The following NXPE2 variants were observed in gnomAD, a reference collection of about 807,000 sequenced individuals.
The protein encoded by NXPE2 is NXPE family member 2.
Under a neutral mutation model 34.4 loss-of-function variants are expected in NXPE2, and 34 were observed. That is an observed-to-expected ratio of 0.99 (90% CI 0.75 to 1.31). The LOEUF is 1.31. Ranked by LOEUF, NXPE2 falls within the 40% of genes most tolerant of loss-of-function variation. The pLI is 0.00. For synonymous variants in NXPE2, 235 were observed against 231.3 expected (o/e 1.02, Z -0.15); for missense variants, 649 against 672.5 (o/e 0.97, Z 0.39).
chr11:114,534,641 C>T, the NXPE2 span, among the ~76,000 whole-genome samples: 1 of 152,124 alleles, frequency 6.6e-6, no homozygotes, highest in Non-Finnish European at 1.5e-5. Context: ...GACAAATGCA[C>T]AAGCTTCAGT....
the NXPE2 span, among the ~76,000 whole-genome samples, chr11:114,615,059 C>T: frequency 0.092 from 13,988 of 151,956 alleles, 762 homozygotes; most frequent in Middle Eastern, 0.2. Context: ...AGTGTTGCCT[C>T]GTGGGTAACA....
chr11:114,663,513 T>C, the NXPE2 span, among the ~76,000 whole-genome samples: 4 of 152,054 alleles, frequency 2.6e-5, no homozygotes, highest in Non-Finnish European at 5.9e-5. Flanking sequence ...AGTAGGGGTG[T>C]AAACTGGGAG....
the NXPE2 span, among the ~76,000 whole-genome samples, chr11:114,736,308 T>G: frequency 1.3e-5 from 2 of 152,200 alleles, no homozygotes; most frequent in East Asian, 3.9e-4. Context: ...GGGGCTTATT[T>G]CATCCCTACA....
chr11:114,682,196 G>A lies in NXPE2; in HGVS notation c.132+2434G>A, dbSNP rs183312461. 9.5e-4 allele frequency among the ~76,000 whole-genome samples: 144 copies of A among 152,250 alleles called. No homozygotes were observed. The Middle Eastern group carries it at 0.014, about 14-fold the overall frequency. On this transcript the variant is annotated intron_variant, in intron 2 of 5. Coordinates refer to ENST00000389586, the MANE Select transcript of NXPE2 (RefSeq NM_182495.6). ...ATCCTGATCATAAGATATAACTTCTGTAAGTCTTTATAACCTTTATGAAGG... is the reference window on the plus strand; with the variant it reads ...ATCCTGATCATAAGATATAACTTCTATAAGTCTTTATAACCTTTATGAAGG...
At chr11:114,546,791 A>G in the NXPE2 span, among the ~76,000 whole-genome samples, 1 of 152,162 alleles carries the variant, frequency 6.6e-6, no homozygotes, top group South Asian at 2.1e-4. Context: ...AGCATCTTGT[A>G]GTGTCGGAAA....
the NXPE2 span, among the ~76,000 whole-genome samples, chr11:114,803,520 C>A: frequency 1.3e-5 from 2 of 151,740 alleles, no homozygotes; most frequent in African/African-American, 4.8e-5. Context: ...ATAGATGGTG[C>A]CTTATAGCTG....
the NXPE2 span, among the ~76,000 whole-genome samples, chr11:114,759,984 A>G: frequency 2.0e-5 from 3 of 152,100 alleles, no homozygotes; most frequent in African/African-American, 7.2e-5. Flanking sequence ...CCTTGCATGC[A>G]TCTTCTTTTA....
chr11:114,507,801 A>G, the NXPE2 span, among the ~76,000 whole-genome samples: 1 of 151,940 alleles, frequency 6.6e-6, no homozygotes, highest in African/African-American at 2.4e-5. Flanking sequence ...GAATGGGCAA[A>G]AGCTGGAAGC....
chr11:114,469,377 T>G, the NXPE2 span, among the ~76,000 whole-genome samples: 1 of 151,700 alleles, frequency 6.6e-6, no homozygotes, highest in Non-Finnish European at 1.5e-5. Context: ...CCTCCCAAAG[T>G]GCTAGGATTA....
At chr11:114,769,935 A>G in the NXPE2 span, among the ~76,000 whole-genome samples, 1 of 152,234 alleles carries the variant, frequency 6.6e-6, no homozygotes, top group African/African-American at 2.4e-5. Flanking sequence ...CGTTCTGCAC[A>G]TGTACCCCAG....
chr11:114,798,326 C>T, the NXPE2 span, among the ~76,000 whole-genome samples: 1 of 152,258 alleles, frequency 6.6e-6, no homozygotes, highest in East Asian at 1.9e-4. Flanking sequence ...ATGACCTGCC[C>T]TGTAATCTTC....
At chr11:114,743,962 T>C in the NXPE2 span, among the ~76,000 whole-genome samples, 4 of 151,890 alleles carry the variant, frequency 2.6e-5, no homozygotes, top group South Asian at 8.3e-4. Context: ...TATATATGTA[T>C]ATTTTTTACC....
the NXPE2 span, among the ~76,000 whole-genome samples, chr11:114,610,766 G>A: frequency 3.3e-5 from 5 of 151,876 alleles, no homozygotes; most frequent in East Asian, 2.0e-4. Flanking sequence ...TTGCCTTGTC[G>A]GTAACCACTG....
chr11:114,583,502 G>A, the NXPE2 span: 29 of 623,032 alleles, frequency 4.7e-5, no homozygotes, highest in Admixed American at 1.3e-4. Flanking sequence ...TCCAGATTAC[G>A]TGTCTGAGCA....
chr11:114,490,530 A>C, the NXPE2 span, among the ~76,000 whole-genome samples: 6 of 152,134 alleles, frequency 3.9e-5, no homozygotes, highest in African/African-American at 1.2e-4. Flanking sequence ...CAGAACAGAG[A>C]CCTCAGAAAT....
At chr11:114,602,695 TA>T in the NXPE2 span, among the ~76,000 whole-genome samples, 1 of 139,056 alleles carries the variant, frequency 7.2e-6, no homozygotes, top group Non-Finnish European at 1.5e-5. Context: ...AATTATCTCA[TA>T]TATAATAATT....
At chr11:114,488,674 C>A in the NXPE2 span, among the ~76,000 whole-genome samples, 2 of 152,106 alleles carry the variant, frequency 1.3e-5, no homozygotes, top group East Asian at 1.9e-4. Context: ...AACAAAGACA[C>A]AACATACCAG....
the NXPE2 span, among the ~76,000 whole-genome samples, chr11:114,617,056 A>G: frequency 1.3e-5 from 2 of 152,004 alleles, no homozygotes; most frequent in African/African-American, 4.8e-5. Context: ...CCAGTGTAGT[A>G]AGTATTGCCT....
At chr11:114,663,340 C>T in the NXPE2 span, among the ~76,000 whole-genome samples, 1 of 152,106 alleles carries the variant, frequency 6.6e-6, no homozygotes, top group East Asian at 1.9e-4. Flanking sequence ...TTGTAGCCTG[C>T]CAATGTCTGG....
Sources: gnomAD v4.1 joint callset for allele counts (sites outside exome capture counted in the v4.1 genomes callset) on GRCh38, gnomAD v4.1.1 for gene constraint, MANE v1.5 for transcripts, NCBI Gene and HGNC (gene_info 2026-07-23, HGNC 2026-07-21) for gene names.